MAP3K8: variants seen among roughly 807,000 people sequenced by gnomAD.
MAP3K8 encodes the protein mitogen-activated protein kinase kinase kinase 8.
MAP3K8 carries 22 observed loss-of-function variants against 45.8 expected under a neutral mutation model. The ratio of observed to expected loss-of-function variants is 0.48; its 90% CI spans 0.34 to 0.69. The LOEUF is 0.69. Ranked by LOEUF, MAP3K8 falls within the 30% of genes least tolerant of loss-of-function variation. The pLI is 0.01. For missense variants in MAP3K8, 419 were observed against 585.0 expected (o/e 0.72, Z 2.93); for synonymous variants, 223 against 214.3 (o/e 1.04, Z -0.36).
Position 30,442,014 on chromosome 10 carries a change from C to G in MAP3K8, c.336+2740C>G, listed in dbSNP as rs368329931. On this transcript the variant is annotated intron_variant, in intron 3 of 8. Coordinates refer to ENST00000263056, the MANE Select transcript of MAP3K8 (RefSeq NM_005204.4). ...TGATTGGTTCCTAGGTAAAATCCAT[C>G]TATATGATGTATCTACATAGGGATG... Among the ~76,000 whole-genome samples, 141 of 152,338 alleles carry G rather than the reference C, an allele frequency of 9.3e-4. 5 individuals carry two copies. In the South Asian group the frequency reaches 0.027, roughly 29 times the overall value.
chr10:30,448,625 GT>G (rs1836428794), intron 4 of MAP3K8, among the ~76,000 whole-genome samples: 1 of 151,880 alleles, frequency 6.6e-6, no homozygotes, highest in Non-Finnish European at 1.5e-5. Context: ...GTAGAGACGG[GT>G]TTCACCATGT....
intron 3 of MAP3K8, among the ~76,000 whole-genome samples, chr10:30,444,537 G>C (rs1836245161): frequency 6.6e-6 from 1 of 152,184 alleles, no homozygotes; most frequent in African/African-American, 2.4e-5. Context: ...GGCATTTGCA[G>C]AACTGCAAAC....
At chr10:30,442,919 A>G (rs1836162543) in intron 3 of MAP3K8, among the ~76,000 whole-genome samples, 2 of 152,188 alleles carry the variant, frequency 1.3e-5, no homozygotes, top group South Asian at 4.1e-4. Context: ...CCTGTTCATC[A>G]TCTCCAATAA....
chr10:30,439,004 T>C lies in MAP3K8; in HGVS notation c.66T>C (p.Asn22=), dbSNP rs746136036. 1.9e-6 allele frequency: 3 copies of C among 1,612,156 alleles called. No individual in the cohort carries two copies. Among genetic ancestry groups the C allele is most frequent in the African/African-American group, 2.7e-5 (2 of 74,900 alleles). The stretch of plus-strand genomic sequence containing the variant: ...TTGATTTATTAATTAAACATTTAAA[T>C]GTGTCTGATGTAATAGACATTATGG... ...EEIDLLIKHL[N]VSDVIDIMEN... The change falls in exon 3 of 9, where the codon AAT becomes AAC. Residue 22 remains asparagine (N), a synonymous_variant. Coordinates refer to ENST00000263056, the MANE Select transcript of MAP3K8 (RefSeq NM_005204.4).
At chr10:30,434,585 G>A (rs978421405) in intron 1 of MAP3K8, 105 of 985,832 alleles carry the variant, frequency 1.1e-4, no homozygotes, top group Non-Finnish European at 1.2e-4. Flanking sequence ...AGGGTCTCAC[G>A]GGGTGCAGAC....
Position 30,438,499 on chromosome 10 carries a change from G to A in MAP3K8, c.-23-417G>A, listed in dbSNP as rs1171466217. Among the ~76,000 whole-genome samples the A allele has an allele frequency of 2.6e-5, 4 of 152,312 alleles. 1 individual carries two copies. Among genetic ancestry groups the A allele is most frequent in the African/African-American group, 9.6e-5 (4 of 41,576 alleles). On this transcript the variant is annotated intron_variant, in intron 2 of 8. Coordinates refer to ENST00000263056, the MANE Select transcript of MAP3K8 (RefSeq NM_005204.4). ...ACCAGAGGCATAAAAAAGCCATAGC[G>A]ATTCTTGCAGGGAGGGTGCCACTTC...
chr10:30,437,080 G>GC (rs1298012124), intron 1 of MAP3K8, 96 bp from the exon 2 acceptor site: 28 of 606,300 alleles, frequency 4.6e-5, no homozygotes, highest in Non-Finnish European at 5.8e-5. Context: ...AGGGGAAGCT[G>GC]CCCCCTCACT....
At chr10:30,434,490 G>C in intron 1 of MAP3K8, 112 bp downstream of exon 1, 1 of 985,662 alleles carries the variant, frequency 1.0e-6, no homozygotes, top group East Asian at 1.1e-4. Flanking sequence ...GGAAAACTCT[G>C]GCGTGGGAAG....
chr10:30,459,996 C>G (rs1363777047), intron 8 of MAP3K8, among the ~76,000 whole-genome samples: 3 of 152,104 alleles, frequency 2.0e-5, no homozygotes, highest in East Asian at 3.9e-4. Context: ...GTGCCCACCA[C>G]CACGTCTGGC....
At chr10:30,434,494 T>A (rs1478855601) in intron 1 of MAP3K8, 116 bp downstream of exon 1, 1 of 985,254 alleles carries the variant, frequency 1.0e-6, no homozygotes, top group Non-Finnish European at 1.2e-6. Context: ...AACTCTGGCG[T>A]GGGAAGAGGT....
rs189290841 is a variant in MAP3K8 at position 30,454,664 on chromosome 10, A to G, written c.873+2920A>G. Among the ~76,000 whole-genome samples, 639 of 151,854 alleles carry G rather than the reference A, an allele frequency of 4.2e-3. 8 individuals carry two copies. Among genetic ancestry groups the G allele is most frequent in the African/African-American group, 0.015 (628 of 41,436 alleles). ...AGAAGAAATCCTTGCTTTTGTGAAT[A>G]TTACTGAAGTTATTATTGAAAATGC... On this transcript the variant is annotated intron_variant, in intron 6 of 8. Transcript: ENST00000263056.
intron 1 of MAP3K8, among the ~76,000 whole-genome samples, chr10:30,436,254 T>C (rs549031190): frequency 6.6e-6 from 1 of 152,350 alleles, no homozygotes; most frequent in South Asian, 2.1e-4. Flanking sequence ...GCACAGATCA[T>C]GAATAACTCA....
intron 8 of MAP3K8, among the ~76,000 whole-genome samples, chr10:30,460,295 G>A (rs1304291756): frequency 2.6e-5 from 4 of 152,210 alleles, no homozygotes; most frequent in African/African-American, 4.8e-5. Context: ...ACTTAGGAAA[G>A]TCAGTATGCT....
At chr10:30,440,080 G>T (rs1004293843) in intron 3 of MAP3K8, among the ~76,000 whole-genome samples, 2 of 152,206 alleles carry the variant, frequency 1.3e-5, no homozygotes, top group Non-Finnish European at 2.9e-5. Flanking sequence ...TGAATGGCAA[G>T]TGATATATTT....
chr10:30,459,618 C>T, intron 8 of MAP3K8, 117 bp downstream of exon 8: 1 of 1,210,602 alleles, frequency 8.3e-7, no homozygotes, highest in Admixed American at 2.4e-5. Flanking sequence ...TCTTGAGTAC[C>T]ATACCTTGCT....
At chr10:30,446,534 C>CAAAAA (rs5784199) in intron 3 of MAP3K8, among the ~76,000 whole-genome samples, 1,121 of 89,182 alleles carry the variant, frequency 0.013, 11 homozygotes, top group African/African-American at 0.041. Context: ...GACTCCATCT[C>CAAAAA]AAAAAAAAAA....
At position 30,461,370 on chromosome 10, in the gene MAP3K8, A is replaced by G; in HGVS notation, c.*534A>G. 4.8e-6 allele frequency: 1 copy of G among 208,016 alleles called. No homozygotes were observed. The highest frequency in any genetic ancestry group is 7.4e-5 in the East Asian group (1 of 13,532). 12.9% of individuals were successfully genotyped at this position (208,016 alleles called of 1,614,324 possible). A position where few individuals can be genotyped will look rare whatever the true frequency, so the allele number is the denominator to read the frequency against. On this transcript the variant is annotated 3_prime_UTR_variant, in exon 9 of 9. Coordinates refer to ENST00000263056, the MANE Select transcript of MAP3K8 (RefSeq NM_005204.4). ...GCAATAAGCTGGACTAGTGTCCTAA[A>G]AATGGCTAACTGATGAATTAGAAGC...
chr10:30,461,128 T>G lies in MAP3K8; in HGVS notation c.*292T>G. On this transcript the variant is annotated 3_prime_UTR_variant, in exon 9 of 9. Transcript: ENST00000263056. Reference sequence around the variant, plus strand: ...TGACTGTTTCATTCACTGTGCACTTTGCTCAAAATTTTAAAAATACCAATC... The same window carrying G: ...TGACTGTTTCATTCACTGTGCACTTGGCTCAAAATTTTAAAAATACCAATC... 1 of 313,576 alleles carries G rather than the reference T, an allele frequency of 3.2e-6. No homozygotes were observed. The highest frequency in any genetic ancestry group is 5.9e-6 in the Non-Finnish European group (1 of 170,382). 19.4% of individuals were successfully genotyped at this position (313,576 alleles called of 1,614,324 possible). A position where few individuals can be genotyped will look rare whatever the true frequency, so the allele number is the denominator to read the frequency against.
At chr10:30,445,840 C>T (rs1221252207) in intron 3 of MAP3K8, among the ~76,000 whole-genome samples, 1 of 152,120 alleles carries the variant, frequency 6.6e-6, no homozygotes, top group African/African-American at 2.4e-5. Context: ...TGCTTTATTC[C>T]CTGACTAATA....
Sources: gnomAD v4.1 joint callset for allele counts (sites outside exome capture counted in the v4.1 genomes callset) on GRCh38, gnomAD v4.1.1 for gene constraint, MANE v1.5 for transcripts, NCBI Gene and HGNC (gene_info 2026-07-23, HGNC 2026-07-21) for gene names.